Variants in TNPO3 observed in about 807,000 individuals in gnomAD.
TNPO3 encodes transportin-3.
A neutral mutation model predicts 122.8 loss-of-function variants in TNPO3; 65 were observed. The observed-to-expected ratio is 0.53, with a 90% CI of 0.43 to 0.65. TNPO3 has a LOEUF of 0.65. Ranked by LOEUF, TNPO3 falls within the 30% of genes least tolerant of loss-of-function variation. The pLI is 0.00. For synonymous variants in TNPO3, 372 were observed against 411.2 expected (o/e 0.90, Z 1.15); for missense variants, 850 against 1,136.7 (o/e 0.75, Z 3.63).
intron 14 of TNPO3, 70 bp downstream of exon 14, chr7:128,982,178 T>C: frequency 5.2e-6 from 7 of 1,333,912 alleles, no homozygotes; most frequent in Non-Finnish European, 7.4e-6. Flanking sequence ...AAATACTTGC[T>C]TACTTCAATA....
Position 128,954,931 on chromosome 7 carries a change from A to G in TNPO3, c.*486T>C, listed in dbSNP as rs527532619. 12 of 167,658 alleles carry G rather than the reference A, an allele frequency of 7.2e-5. No homozygotes were observed. In the South Asian group the frequency reaches 7.9e-4, roughly 11 times the overall value. The allele number at this position is 167,658 out of a possible 1,614,324, so 10.4% of individuals were successfully genotyped here. ...CTATTTAATTCATGTGAATCCCCAC[A>G]TTATCCCTAAGTAAATATTTTGTTT... is the stretch of plus-strand genomic sequence containing the variant. On this transcript the variant is annotated 3_prime_UTR_variant, in exon 23 of 23. Coordinates refer to ENST00000265388, the MANE Select transcript of TNPO3 (RefSeq NM_012470.4).
chr7:128,958,643 C>A (rs1020385772), intron 21 of TNPO3, among the ~76,000 whole-genome samples: 1 of 152,218 alleles, frequency 6.6e-6, no homozygotes, highest in South Asian at 2.1e-4. Context: ...TAGGTTCCTA[C>A]ATCCAGATTT....
intron 22 of TNPO3, among the ~76,000 whole-genome samples, chr7:128,955,837 C>T (rs1272985431): frequency 2.0e-5 from 3 of 152,300 alleles, no homozygotes; most frequent in South Asian, 4.2e-4. Context: ...CTGTATTAAG[C>T]GGAGTGGTTC....
intron 13 of TNPO3, among the ~76,000 whole-genome samples, chr7:128,983,716 A>C (rs1378292663): frequency 6.6e-6 from 1 of 151,406 alleles, no homozygotes; most frequent in Non-Finnish European, 1.5e-5. Context: ...TCCACTTATG[A>C]CTTGTAAGCC....
chr7:129,010,442 A>G (rs1439414173), intron 4 of TNPO3, among the ~76,000 whole-genome samples: 1 of 152,198 alleles, frequency 6.6e-6, no homozygotes, highest in East Asian at 1.9e-4. Context: ...TGCTGGAATT[A>G]TAAGCATAAA....
chr7:129,023,031 C>T (rs561357811), intron 1 of TNPO3, among the ~76,000 whole-genome samples: 3 of 152,218 alleles, frequency 2.0e-5, no homozygotes, highest in Admixed American at 1.3e-4. Flanking sequence ...AAGGGGAGAG[C>T]ACATGCAAAA....
At chr7:129,036,683 T>G (rs1806722844) in intron 1 of TNPO3, among the ~76,000 whole-genome samples, 1 of 152,158 alleles carries the variant, frequency 6.6e-6, no homozygotes, top group Admixed American at 6.5e-5. Context: ...ATAAGGTGTA[T>G]TTCTAAAAGG....
chr7:129,001,220 G>A lies in TNPO3; in HGVS notation c.711C>T (p.Thr237=), dbSNP rs1801913389. Residue 237 remains threonine (T), a synonymous_variant, in exon 6 of 23, where the codon ACC becomes ACT. Transcript: ENST00000265388. ...LLFEVLQQDK[T]SSNLHEAASD... The stretch of plus-strand genomic sequence containing the variant: ...AAGCAGCTTCATGTAGGTTAGACGA[G>A]GTCTTATCCTGTTGCTGGGGAGGTA... 6.2e-7 allele frequency: 1 copy of A among 1,604,568 alleles called. No homozygotes were observed. The highest frequency in any genetic ancestry group is 1.3e-5 in the African/African-American group (1 of 74,784).
chr7:128,998,086 AATCCTCCCAC>A (rs1457627132), intron 7 of TNPO3, among the ~76,000 whole-genome samples: 3 of 151,066 alleles, frequency 2.0e-5, no homozygotes, highest in African/African-American at 7.3e-5. Flanking sequence ...GCCCTCAAGT[AATCCTCCCAC>A]CTAGGTCTCC....
chr7:129,007,202 GCAGA>G (rs1360853243), intron 4 of TNPO3, among the ~76,000 whole-genome samples: 1 of 152,108 alleles, frequency 6.6e-6, no homozygotes, highest in Non-Finnish European at 1.5e-5. Context: ...GAAAACTGAG[GCAGA>G]CAGTCAAGTA....
At chr7:129,013,007 T>C (rs1803386716) in intron 4 of TNPO3, among the ~76,000 whole-genome samples, 1 of 152,198 alleles carries the variant, frequency 6.6e-6, no homozygotes, top group Non-Finnish European at 1.5e-5. Context: ...CACATCTAAT[T>C]TTTTAAAAAA....
chr7:129,033,936 A>G (rs1422420672), intron 1 of TNPO3, among the ~76,000 whole-genome samples: 1 of 151,710 alleles, frequency 6.6e-6, no homozygotes, highest in Non-Finnish European at 1.5e-5. Context: ...GATCTCAAAC[A>G]GATAAGATAT....
chr7:129,036,233 G>A (rs563179917), intron 1 of TNPO3, among the ~76,000 whole-genome samples: 2 of 152,130 alleles, frequency 1.3e-5, no homozygotes, highest in Non-Finnish European at 2.9e-5. Context: ...GATTATAGGC[G>A]TTAGCCACCG....
At chr7:129,046,195 C>CAAAAAAAAA (rs5887409) in intron 1 of TNPO3, among the ~76,000 whole-genome samples, 3 of 79,300 alleles carry the variant, frequency 3.8e-5, no homozygotes, top group Admixed American at 1.7e-4. Flanking sequence ...GACTCCGTCT[C>CAAAAAAAAA]AAAAAAAAAA....
rs370293580 is a variant in TNPO3, at chr7:128,986,803, T to C, written c.1616A>G (p.Asn539Ser). 1.1e-5 allele frequency: 17 copies of C among 1,614,134 alleles called. No homozygotes were observed. Among genetic ancestry groups the C allele is most frequent in the Middle Eastern group, 1.7e-4 (1 of 6,060 alleles). ...VCRDHMAQHF[N>S]GLLEIARSLD... is the part of the protein sequence containing the mutation. ...GGAGCGGGCAATCTCCAGGAGTCCA[T>C]TAAAGTGCTGAGCCATGTGATCTCG... The change falls in exon 12 of 23, where the codon AAT (asparagine) becomes AGT (serine). Residue 539 changes from asparagine (N) to serine (S), a missense_variant. Transcript: ENST00000265388.
In TNPO3 at chr7:129,018,004, T is replaced by G; in HGVS notation, c.274A>C (p.Thr92Pro). 6.2e-7 allele frequency: 1 copy of G among 1,614,140 alleles called. No individual in the cohort carries two copies. Among genetic ancestry groups the G allele is most frequent in the Non-Finnish European group, 8.5e-7 (1 of 1,180,014 alleles). Residue 92 changes from threonine (T) to proline (P), a missense_variant, in exon 2 of 23, where the codon ACC (threonine) becomes CCC (proline). Coordinates refer to ENST00000265388, the MANE Select transcript of TNPO3 (RefSeq NM_012470.4). ...SHASLRDSLL[T>P]HIQNLKDLSP... is the part of the protein sequence containing the mutation. ...AAGTCTTTCAAGTTCTGGATATGGG[T>G]TAGCAATGAGTCCCGTAAAGAGGCA...
chr7:128,973,502 C>T (rs994442871), intron 18 of TNPO3, among the ~76,000 whole-genome samples: 6 of 151,400 alleles, frequency 4.0e-5, no homozygotes, highest in African/African-American at 1.2e-4. Context: ...TTTGGGAGGC[C>T]GAGGAGGGTG....
In TNPO3 at chr7:129,016,292, G is replaced by A. The variant is rs150268508; in HGVS notation, c.395+691C>T. On this transcript the variant is annotated intron_variant, in intron 3 of 22. Transcript: ENST00000265388. Reference sequence around the variant, plus strand: ...GCCTGTAATCTCAGCCGCCTGGGAGGCTGAGACAGGAGAATCACCTGAACC... The same window carrying A: ...GCCTGTAATCTCAGCCGCCTGGGAGACTGAGACAGGAGAATCACCTGAACC... Among the ~76,000 whole-genome samples the A allele has an allele frequency of 3.2e-3, 485 of 152,194 alleles. 1 individual carries two copies. Among genetic ancestry groups the A allele is most frequent in the African/African-American group, 0.011 (466 of 41,484 alleles).
intron 1 of TNPO3, 30 bp downstream of exon 1, chr7:129,054,621 G>T (rs781099120): frequency 1.2e-6 from 2 of 1,610,884 alleles, no homozygotes. Flanking sequence ...CCGGCCGTGC[G>T]GCACAGAACT....
Sources: gnomAD v4.1 joint callset for allele counts (sites outside exome capture counted in the v4.1 genomes callset) on GRCh38, gnomAD v4.1.1 for gene constraint, MANE v1.5 for transcripts, NCBI Gene and HGNC (gene_info 2026-07-23, HGNC 2026-07-21) for gene names.